LIN54: variants seen among roughly 807,000 people sequenced by gnomAD.
The protein encoded by LIN54 is lin-54 DREAM MuvB core complex component.
Under a neutral mutation model 78.7 loss-of-function variants are expected in LIN54, and 9 were observed. That is an observed-to-expected ratio of 0.11 (90% CI 0.07 to 0.20). LIN54 has a LOEUF of 0.20. Among genes scored for constraint, LIN54 ranks in the 10% least tolerant of loss-of-function variants. LIN54 has a pLI of 1.00. For missense variants in LIN54, 573 were observed against 889.9 expected (o/e 0.64, Z 4.53); for synonymous variants, 269 against 318.4 (o/e 0.84, Z 1.65).
chr4:82,934,296 C>G (rs1722208991), intron 11 of LIN54, among the ~76,000 whole-genome samples: 1 of 152,168 alleles, frequency 6.6e-6, no homozygotes, highest in African/African-American at 2.4e-5. Context: ...ATCCCACCTA[C>G]TTGGGAAGCT....
intron 1 of LIN54, among the ~76,000 whole-genome samples, chr4:83,006,306 A>G (rs4693543): frequency 1 from 151,571 of 152,224 alleles, 75,461 homozygotes; most frequent in Middle Eastern, 1. Flanking sequence ...AAAATTAGCC[A>G]GACATGCTGG....
chr4:82,972,279 T>A (rs1725726591), intron 3 of LIN54, among the ~76,000 whole-genome samples: 1 of 152,076 alleles, frequency 6.6e-6, no homozygotes, highest in Non-Finnish European at 1.5e-5. Flanking sequence ...GCTGGCACAG[T>A]TTCTTTTTTA....
intron 1 of LIN54, among the ~76,000 whole-genome samples, chr4:82,998,986 A>C (rs1250392057): frequency 6.6e-6 from 1 of 152,220 alleles, no homozygotes; most frequent in Non-Finnish European, 1.5e-5. Context: ...CTATTAAATC[A>C]AAACCACAAA....
At chr4:82,981,724 A>C (rs1726667515) in intron 2 of LIN54, among the ~76,000 whole-genome samples, 1 of 152,102 alleles carries the variant, frequency 6.6e-6, no homozygotes. Context: ...ATTAGATAGA[A>C]ACAGGCTTTA....
intron 1 of LIN54, among the ~76,000 whole-genome samples, chr4:82,993,042 A>AG (rs1216352417): frequency 6.6e-6 from 1 of 150,890 alleles, no homozygotes; most frequent in African/African-American, 2.4e-5. Flanking sequence ...AAAAAAAAAA[A>AG]AAAAGAAATG....
chr4:82,949,504 C>T (rs2126048331), intron 4 of LIN54, among the ~76,000 whole-genome samples: 1 of 152,166 alleles, frequency 6.6e-6, no homozygotes, highest in East Asian at 1.9e-4. Context: ...TCATGTGATT[C>T]TCCTGCCTCA....
At chr4:82,974,093 C>T (rs1339211138) in intron 3 of LIN54, among the ~76,000 whole-genome samples, 1 of 151,914 alleles carries the variant, frequency 6.6e-6, no homozygotes, top group Non-Finnish European at 1.5e-5. Context: ...ACCTGTAGTC[C>T]CAGCTACTTG....
chr4:82,960,257 G>A (rs1053231595), intron 4 of LIN54, among the ~76,000 whole-genome samples: 15 of 151,934 alleles, frequency 9.9e-5, no homozygotes, highest in African/African-American at 3.6e-4. Context: ...CAAACTGCTG[G>A]GATCAAGCCA....
At chr4:82,987,422 AAAAC>A (rs1367751064) in intron 1 of LIN54, among the ~76,000 whole-genome samples, 1 of 152,210 alleles carries the variant, frequency 6.6e-6, no homozygotes, top group African/African-American at 2.4e-5. Context: ...CAAAAAACAA[AAAAC>A]AAACGGGATA....
chr4:82,930,794 A>C, intron 12 of LIN54, 149 bp downstream of exon 12: 1 of 685,426 alleles, frequency 1.5e-6, no homozygotes, highest in South Asian at 1.9e-5. Context: ...GTTACCTTTA[A>C]ATTCCTTTAC....
Position 82,926,812 on chromosome 4 carries a change from A to T in LIN54, c.*1290T>A, listed in dbSNP as rs531045516. 1 of 152,188 alleles carries T rather than the reference A, an allele frequency of 6.6e-6. No individual in the cohort carries two copies. The highest frequency in any genetic ancestry group is 2.4e-5 in the African/African-American group (1 of 41,426). 9.4% of individuals were successfully genotyped at this position (152,188 alleles called of 1,614,324 possible). On this transcript the variant is annotated 3_prime_UTR_variant, in exon 13 of 13. Transcript: ENST00000340417. ...GTTAGGAGGCCCATTTCTGTAAATC[A>T]AGTAAGAGTTGCGATTTGGTTTGAA... is the stretch of plus-strand genomic sequence containing the variant.
At chr4:82,944,613 G>GTTT (rs1420145646) in intron 5 of LIN54, 2 of 151,762 alleles carry the variant, frequency 1.3e-5, no homozygotes, top group African/African-American at 4.8e-5. Context: ...ACTGCTTACT[G>GTTT]TTTTCTCCCT....
intron 3 of LIN54, among the ~76,000 whole-genome samples, chr4:82,974,511 C>T (rs754228374): frequency 7.8e-4 from 118 of 151,692 alleles, no homozygotes; most frequent in Non-Finnish European, 1.4e-3. Context: ...CCGAGGTGGG[C>T]AGATCACCTG....
chr4:82,972,328 A>T (rs1725732507), intron 3 of LIN54, among the ~76,000 whole-genome samples: 2 of 152,174 alleles, frequency 1.3e-5, no homozygotes, highest in African/African-American at 2.4e-5. Flanking sequence ...ATGAATTTTT[A>T]AAGTATTTTC....
chr4:82,978,422 A>T (rs755252304), intron 3 of LIN54, among the ~76,000 whole-genome samples: 110 of 152,360 alleles, frequency 7.2e-4, no homozygotes, highest in African/African-American at 2.6e-3. Flanking sequence ...ATTTAAATTT[A>T]TTAAAGTTAG....
chr4:83,007,440 T>C (rs904501753), intron 1 of LIN54, among the ~76,000 whole-genome samples: 7 of 152,246 alleles, frequency 4.6e-5, no homozygotes, highest in African/African-American at 1.7e-4. Context: ...TTGCTTATCA[T>C]GTAATCCAAG....
At chr4:82,948,848 G>A (rs1162767938) in intron 4 of LIN54, among the ~76,000 whole-genome samples, 1 of 152,082 alleles carries the variant, frequency 6.6e-6, no homozygotes, top group Non-Finnish European at 1.5e-5. Flanking sequence ...GTGGCAAATG[G>A]CAGGATCTTA....
intron 9 of LIN54, 24 bp from the exon 10 acceptor site, chr4:82,936,405 G>A: frequency 1.5e-6 from 2 of 1,302,648 alleles, no homozygotes; most frequent in Non-Finnish European, 2.1e-6. Context: ...GTCAGTATAA[G>A]GTAAAAAGTC....
rs1279576068 is a variant in LIN54 at position 82,927,863 on chromosome 4, TA to T, written c.*238del. The T allele has an allele frequency of 2.4e-6, 1 of 414,796 alleles. No homozygotes were observed. The highest frequency in any genetic ancestry group is 4.3e-6 in the Non-Finnish European group (1 of 234,770). The allele number at this position is 414,796 out of a possible 1,614,324, so 25.7% of individuals were successfully genotyped here. The stretch of plus-strand genomic sequence containing the variant: ...TAATTCTTAAGAAACCCAAGCAAAT[TA>T]AAAAATCTATATAATAAAGAAAAAT... On this transcript the variant is annotated 3_prime_UTR_variant, in exon 13 of 13. Transcript: ENST00000340417.
Sources: gnomAD v4.1 joint callset for allele counts (sites outside exome capture counted in the v4.1 genomes callset) on GRCh38, gnomAD v4.1.1 for gene constraint, MANE v1.5 for transcripts, NCBI Gene and HGNC (gene_info 2026-07-23, HGNC 2026-07-21) for gene names.